SAMMSON: variants seen among roughly 807,000 people sequenced by gnomAD.
The protein encoded by SAMMSON is long intergenic non-protein coding RNA 1212.
At chr3:70,018,049 T>G (rs1396961043) in intron 3 of SAMMSON, among the ~76,000 whole-genome samples, 1 of 152,134 alleles carries the variant, frequency 6.6e-6, no homozygotes, top group African/African-American at 2.4e-5. Flanking sequence ...AATTCTCTTT[T>G]TTTGTTGTGT....
chr3:70,337,084 C>G (rs4057292), intron 7 of SAMMSON, among the ~76,000 whole-genome samples: 2 of 35,380 alleles, frequency 5.7e-5, no homozygotes, highest in African/African-American at 9.3e-5. Context: ...ACTTAATATT[C>G]TTATTAATAA....
At chr3:70,380,347 A>G (rs1436481677) in intron 9 of SAMMSON, among the ~76,000 whole-genome samples, 1 of 152,138 alleles carries the variant, frequency 6.6e-6, no homozygotes, top group East Asian at 1.9e-4. Flanking sequence ...TACAAAATCA[A>G]AGAATCTGAG....
At chr3:70,250,132 T>C (rs915658904) in intron 6 of SAMMSON, among the ~76,000 whole-genome samples, 1 of 152,216 alleles carries the variant, frequency 6.6e-6, no homozygotes, top group African/African-American at 2.4e-5. Flanking sequence ...TTTTTTAGCC[T>C]GTTGCTAGTT....
chr3:70,077,599 A>C (rs117371869), intron 4 of SAMMSON, among the ~76,000 whole-genome samples: 1 of 152,326 alleles, frequency 6.6e-6, no homozygotes, highest in East Asian at 1.9e-4. Context: ...CATATATGTA[A>C]CATGTGTTTA....
chr3:70,300,962 C>T (rs1702342981), intron 7 of SAMMSON, among the ~76,000 whole-genome samples: 2 of 151,864 alleles, frequency 1.3e-5, no homozygotes, highest in African/African-American at 2.4e-5. Flanking sequence ...TTCTTTTGTT[C>T]CTAAATAAAT....
At chr3:70,380,827 A>C (rs1263069720) in intron 9 of SAMMSON, among the ~76,000 whole-genome samples, 3 of 152,026 alleles carry the variant, frequency 2.0e-5, no homozygotes, top group Non-Finnish European at 4.4e-5. Context: ...GTTTGCTGAG[A>C]ATGATGGTTT....
intron 3 of SAMMSON, chr3:70,069,922 T>A (rs1246504886): frequency 1.3e-5 from 2 of 152,126 alleles, no homozygotes; most frequent in Non-Finnish European, 2.9e-5. Context: ...ATTAGAAATA[T>A]GGTCTTGATA....
intron 4 of SAMMSON, among the ~76,000 whole-genome samples, chr3:70,192,840 C>A (rs1398189021): frequency 1.3e-5 from 2 of 152,180 alleles, no homozygotes; most frequent in Non-Finnish European, 2.9e-5. Flanking sequence ...CTATTTTCGA[C>A]AGTTTCTAAA....
At chr3:70,168,103 G>T (rs1293730755) in intron 4 of SAMMSON, among the ~76,000 whole-genome samples, 1 of 151,988 alleles carries the variant, frequency 6.6e-6, no homozygotes, top group Non-Finnish European at 1.5e-5. Context: ...TAAGGACAAA[G>T]AGTGGTTCTC....
At chr3:70,423,042 A>G (rs1453464697) in intron 2 of SAMMSON, among the ~76,000 whole-genome samples, 1 of 152,078 alleles carries the variant, frequency 6.6e-6, no homozygotes, top group Non-Finnish European at 1.5e-5. Context: ...AGGATATATC[A>G]TTACATGAAA....
rs138664515 is a variant in SAMMSON at position 70,429,308 on chromosome 3, C to G, written n.234-33252C>G. ...TGGTGTTATTTCTGAGGCCTCTATT[C>G]TATTCCATTGGTCTATATATCTGTT... is the stretch of plus-strand genomic sequence containing the variant. On this transcript the variant is annotated intron_variant and non_coding_transcript_variant, in intron 2 of 3. Transcript: ENST00000641053. 2.6e-3 allele frequency among the ~76,000 whole-genome samples: 401 copies of G among 152,212 alleles called. 2 individuals are homozygous for G. Among genetic ancestry groups the G allele is most frequent in the African/African-American group, 9.4e-3 (391 of 41,522 alleles).
chr3:70,013,165 T>C (rs1438728493), intron 2 of SAMMSON, among the ~76,000 whole-genome samples: 1 of 152,190 alleles, frequency 6.6e-6, no homozygotes, highest in Non-Finnish European at 1.5e-5. Flanking sequence ...ATGATGATGA[T>C]GATGATGGTG....
intron 4 of SAMMSON, among the ~76,000 whole-genome samples, chr3:70,171,221 A>G (rs1479207951): frequency 6.6e-6 from 1 of 151,802 alleles, no homozygotes; most frequent in Non-Finnish European, 1.5e-5. Flanking sequence ...TTCTCTCAGG[A>G]CACTTTATGA....
intron 4 of SAMMSON, among the ~76,000 whole-genome samples, chr3:70,234,252 G>C (rs1003786416): frequency 2.0e-5 from 3 of 152,106 alleles, no homozygotes; most frequent in African/African-American, 7.2e-5. Context: ...AAATACATTT[G>C]TTTATTTTTT....
chr3:70,087,479 T>A (rs2067289934), intron 4 of SAMMSON, among the ~76,000 whole-genome samples: 2 of 152,148 alleles, frequency 1.3e-5, no homozygotes, highest in Admixed American at 6.5e-5. Flanking sequence ...ACCTTTGAAA[T>A]GAAACAGATC....
At chr3:70,145,793 GA>G (rs1292763651) in intron 4 of SAMMSON, among the ~76,000 whole-genome samples, 3 of 150,056 alleles carry the variant, frequency 2.0e-5, no homozygotes, top group African/African-American at 7.3e-5. Flanking sequence ...TAAGAAACTA[GA>G]AAAAAAGAGA....
intron 4 of SAMMSON, among the ~76,000 whole-genome samples, chr3:70,090,559 G>C (rs897177502): frequency 6.6e-6 from 1 of 152,050 alleles, no homozygotes; most frequent in Non-Finnish European, 1.5e-5. Context: ...TAAAATAATC[G>C]GGTTTTCGTT....
At chr3:70,354,693 C>T (rs1247456277) in intron 8 of SAMMSON, among the ~76,000 whole-genome samples, 2 of 152,198 alleles carry the variant, frequency 1.3e-5, no homozygotes, top group Non-Finnish European at 2.9e-5. Flanking sequence ...TCTAGCTGGA[C>T]AGTGCCTGAG....
At position 70,158,381 on chromosome 3, in the gene SAMMSON, A is replaced by G. The variant is rs149422814; in HGVS notation, n.507+86816A>G. The stretch of plus-strand genomic sequence containing the variant: ...TTCATCAGTGCTCTAACATGTGTCT[A>G]TAGTTCATTCCTTTTTATTGTTGAA... On this transcript the variant is annotated intron_variant and non_coding_transcript_variant, in intron 4 of 9. Transcript: ENST00000642114. Among the ~76,000 whole-genome samples, 162 of 152,224 alleles carry G rather than the reference A, an allele frequency of 1.1e-3. 1 individual carries two copies. The East Asian group carries it at 0.02, about 19-fold the overall frequency.
Sources: gnomAD v4.1 joint callset for allele counts (sites outside exome capture counted in the v4.1 genomes callset) on GRCh38, gnomAD v4.1.1 for gene constraint, MANE v1.5 for transcripts, NCBI Gene and HGNC (gene_info 2026-07-23, HGNC 2026-07-21) for gene names.